The following DENND4C variants were observed in gnomAD, a reference collection of about 807,000 sequenced individuals.
The protein encoded by DENND4C is DENN domain containing 4C, also known as DENN domain-containing protein 4C.
In DENND4C, 108 loss-of-function variants were observed where a neutral mutation model predicts 203.0. The ratio of observed to expected loss-of-function variants is 0.53; its 90% CI spans 0.46 to 0.62. DENND4C has a LOEUF of 0.62. DENND4C is among the 20% of genes least tolerant of loss of function. The probability of loss-of-function intolerance (pLI) is 0.00; values close to 1 mark genes in which losing one functional copy is unlikely to be tolerated. For synonymous variants in DENND4C, 871 were observed against 792.4 expected (o/e 1.10, Z -1.67); for missense variants, 2,481 against 2,301.2 (o/e 1.08, Z -1.60).
At chr9:19,357,196 GGGTA>G in intron 27 of DENND4C, 42 bp downstream of exon 27, 1 of 1,599,464 alleles carries the variant, frequency 6.3e-7, no homozygotes, top group South Asian at 1.1e-5. Context: ...GTAATAAATG[GGGTA>G]CCCTTGTAAA....
intron 1 of DENND4C, among the ~76,000 whole-genome samples, chr9:19,234,822 G>A (rs1388612184): frequency 6.6e-6 from 1 of 151,874 alleles, no homozygotes; most frequent in Non-Finnish European, 1.5e-5. Context: ...GATTACAGGC[G>A]TGAGCCACTT....
intron 12 of DENND4C, among the ~76,000 whole-genome samples, chr9:19,323,597 G>A (rs924059445): frequency 2.0e-5 from 3 of 152,110 alleles, no homozygotes; most frequent in Admixed American, 6.6e-5. Flanking sequence ...AGATGTCTAC[G>A]ATTAATAGAG....
intron 15 of DENND4C, among the ~76,000 whole-genome samples, 158 bp downstream of exon 15, chr9:19,326,352 T>TA (rs5896840): frequency 0.034 from 5,234 of 152,238 alleles, 305 homozygotes; most frequent in African/African-American, 0.12. Flanking sequence ...CACTAGGTGT[T>TA]ATAATTTAAG....
At chr9:19,281,943 G>A (rs1353535186) in intron 2 of DENND4C, among the ~76,000 whole-genome samples, 1 of 152,154 alleles carries the variant, frequency 6.6e-6, no homozygotes, top group African/African-American at 2.4e-5. Flanking sequence ...CACCTGTATA[G>A]GGCACTTACC....
At position 19,336,748 on chromosome 9, in the gene DENND4C, T is replaced by A; in HGVS notation, c.2797T>A (p.Ser933Thr). Residue 933 changes from serine to threonine, a missense_variant, in exon 20 of 33, where the codon TCT becomes ACT. Around this residue, in one of 3 missense-constraint regions of DENND4C, gnomAD observed 2,289 missense variants for 2,113.3 expected, o/e 1.08. Transcript: ENST00000434457. ...GGTGAGCCACGGTAGTGTGGATAGT[T>A]CTAATGATGCTAACAATGGGGAGCA... is the stretch of plus-strand genomic sequence containing the variant. ...DTVSHGSVDS[S>T]NDANNGEHTV... 1.3e-6 allele frequency: 2 copies of A among 1,551,050 alleles called. No homozygotes were observed. The highest frequency in any genetic ancestry group is 1.7e-6 in the Non-Finnish European group (2 of 1,147,066).
chr9:19,234,871 T>G (rs1363667619), intron 1 of DENND4C, among the ~76,000 whole-genome samples: 1 of 152,028 alleles, frequency 6.6e-6, no homozygotes. Context: ...AATAATGCTA[T>G]AATGAAATTA....
In DENND4C at chr9:19,358,182, G is replaced by A. The variant is rs765987723; in HGVS notation, c.5160+22G>A. The A allele has an allele frequency of 1.0e-5, 16 of 1,590,540 alleles. No individual in the cohort carries two copies. The Admixed American group carries it at 2.7e-4, about 27-fold the overall frequency. On this transcript the variant is annotated intron_variant, in intron 28 of 32. Transcript: ENST00000434457. The surrounding 1 kb of genome is among the most constrained non-coding windows in gnomAD (Gnocchi z 4.8). ...TGTGGTATGTAACAACAACAACATT[G>A]TAATTATACTGCATACACACCTAAG...
At chr9:19,272,683 A>G (rs1177089943) in intron 1 of DENND4C, among the ~76,000 whole-genome samples, 1 of 152,214 alleles carries the variant, frequency 6.6e-6, no homozygotes, top group Non-Finnish European at 1.5e-5. Flanking sequence ...CTAAATGTAA[A>G]ACCTAAAATT....
At chr9:19,349,857 CAA>C (rs1047256373) in intron 23 of DENND4C, among the ~76,000 whole-genome samples, 10 of 151,942 alleles carry the variant, frequency 6.6e-5, no homozygotes, top group East Asian at 1.9e-4. Flanking sequence ...AGGTGAAAAA[CAA>C]TATTCTAATT....
chr9:19,235,676 T>C (rs2131357207), intron 1 of DENND4C, among the ~76,000 whole-genome samples: 1 of 149,940 alleles, frequency 6.7e-6, no homozygotes, highest in East Asian at 2.0e-4. Context: ...AGTGGCGTGA[T>C]CTCAGCTCAC....
Position 19,331,951 on chromosome 9 carries a change from T to C in DENND4C, c.2254-27T>C, listed in dbSNP as rs1554637393. The C allele has an allele frequency of 8.2e-6, 13 of 1,576,996 alleles. No homozygotes were observed. In the South Asian group the frequency reaches 1.5e-4, roughly 18 times the overall value. On this transcript the variant is annotated intron_variant, in intron 16 of 32. Coordinates refer to ENST00000434457, the MANE Select transcript of DENND4C (RefSeq NM_001330640.2). ...CCTCACCCTAATGAATTTTAGTAAATATCATAATATTTTATTCTCTTTCTA... is the reference window on the plus strand; with the variant it reads ...CCTCACCCTAATGAATTTTAGTAAACATCATAATATTTTATTCTCTTTCTA...
rs7865833 is a variant in DENND4C, at chr9:19,347,235, C to G, written c.4317+149C>G. 6.9e-3 allele frequency: 5,095 copies of G among 739,636 alleles called. 168 individuals are homozygous for G. The African/African-American group carries it at 0.072, about 10-fold the overall frequency. The allele number at this position is 739,636 out of a possible 1,614,324, so 45.8% of individuals were successfully genotyped here. A position where few individuals can be genotyped will look rare whatever the true frequency, so the allele number is the denominator to read the frequency against. On this transcript the variant is annotated intron_variant, in intron 23 of 32. Transcript: ENST00000434457. ...GCTGTCTGCAACCTCTGCCTCCCGG[C>G]TTTGAGCGATTCTCTTGCCTGAGTA... is the stretch of plus-strand genomic sequence containing the variant.
At chr9:19,254,989 C>T (rs1564090216) in intron 1 of DENND4C, among the ~76,000 whole-genome samples, 1 of 151,852 alleles carries the variant, frequency 6.6e-6, no homozygotes, top group Non-Finnish European at 1.5e-5. Context: ...AAAAATTAGC[C>T]AGGTGTGGTG....
intron 1 of DENND4C, among the ~76,000 whole-genome samples, chr9:19,254,982 A>T (rs1157787002): frequency 1.3e-5 from 2 of 151,870 alleles, no homozygotes; most frequent in African/African-American, 4.8e-5. Context: ...AAAATACAAA[A>T]ATTAGCCAGG....
At chr9:19,285,373 C>T (rs1391505592) in intron 2 of DENND4C, among the ~76,000 whole-genome samples, 1 of 152,078 alleles carries the variant, frequency 6.6e-6, no homozygotes, top group East Asian at 1.9e-4. Flanking sequence ...GTATTGTTTA[C>T]AGTGTTGTGC....
At chr9:19,290,995 T>C in intron 5 of DENND4C, 119 bp downstream of exon 5, 2 of 1,000,960 alleles carry the variant, frequency 2.0e-6, no homozygotes, top group Non-Finnish European at 2.9e-6. Flanking sequence ...TTGGTTTAAA[T>C]TTACACTGTC....
chr9:19,300,053 C>T, intron 8 of DENND4C, 134 bp from the exon 9 acceptor site: 1 of 900,964 alleles, frequency 1.1e-6, no homozygotes, highest in Non-Finnish European at 1.5e-6. Context: ...AAATTTGCTA[C>T]TTTTCATTGA....
At chr9:19,337,163 A>G (rs1010848447) in intron 20 of DENND4C, among the ~76,000 whole-genome samples, 3 of 152,248 alleles carry the variant, frequency 2.0e-5, no homozygotes, top group African/African-American at 7.2e-5. Context: ...TTAAAAAATT[A>G]AATAGAAAAT....
At chr9:19,355,552 T>C (rs184455865) in intron 26 of DENND4C, among the ~76,000 whole-genome samples, 2 of 152,334 alleles carry the variant, frequency 1.3e-5, no homozygotes, top group African/African-American at 4.8e-5. Flanking sequence ...ATCCTTTGCT[T>C]ACTGCTATAT....
Sources: gnomAD v4.1 joint callset for allele counts (sites outside exome capture counted in the v4.1 genomes callset) on GRCh38, gnomAD v4.1.1 for gene constraint, gnomAD v4.1.1 regional missense constraint, Gnocchi (gnomAD v3.1) non-coding constraint, MANE v1.5 for transcripts, NCBI Gene and HGNC (gene_info 2026-07-23, HGNC 2026-07-21) for gene names.